Variants in TNNT2 observed in about 807,000 individuals in gnomAD.
TNNT2 encodes troponin T2, cardiac type.
Under a neutral mutation model 62.4 loss-of-function variants are expected in TNNT2, and 34 were observed. That is an observed-to-expected ratio of 0.54 (90% confidence interval 0.41 to 0.72). The LOEUF (loss-of-function observed/expected upper bound fraction) is 0.72, where lower values mean the gene tolerates loss of function less well. TNNT2 is among the 30% of genes least tolerant of loss of function. The probability of loss-of-function intolerance (pLI) is 0.00; values close to 1 mark genes in which losing one functional copy is unlikely to be tolerated. For synonymous variants in TNNT2, 123 were observed against 127.2 expected (o/e 0.97, Z 0.22); for missense variants, 275 against 381.9 (o/e 0.72, Z 2.33).
intron 8 of TNNT2, chr1:201,365,930 C>T (rs570401264): frequency 1.2e-5 from 16 of 1,322,734 alleles, no homozygotes; most frequent in Non-Finnish European, 1.5e-5. Context: ...GTTAATCTCA[C>T]TTAGGAGAAC....
chr1:201,363,626 G>A, intron 11 of TNNT2: 1 of 556,054 alleles, frequency 1.8e-6, no homozygotes, highest in Non-Finnish European at 3.2e-6. Flanking sequence ...CAAATGTGAG[G>A]TCTCGTCATC....
intron 4 of TNNT2, among the ~76,000 whole-genome samples, chr1:201,371,085 A>G (rs971165284): frequency 6.6e-6 from 1 of 152,140 alleles, no homozygotes; most frequent in Admixed American, 6.5e-5. Flanking sequence ...TTTCCCTAGG[A>G]GCCATGGGGA....
chr1:201,377,079 T>C (rs1370380862), intron 1 of TNNT2, among the ~76,000 whole-genome samples: 1 of 152,188 alleles, frequency 6.6e-6, no homozygotes, highest in Non-Finnish European at 1.5e-5. Flanking sequence ...TCTCAGTACT[T>C]CCAGGACAGT....
chr1:201,361,857 AC>A, intron 14 of TNNT2, 55 bp downstream of exon 14: 8 of 1,521,504 alleles, frequency 5.3e-6, no homozygotes, highest in Non-Finnish European at 7.3e-6. Flanking sequence ...CCTTGGCCCG[AC>A]CCCTCCCAGA....
Position 201,366,165 on chromosome 1 carries a change from C to A in TNNT2, c.234-495G>T, listed in dbSNP as rs555173921. The A allele has an allele frequency of 2.8e-6, 3 of 1,053,040 alleles. No homozygotes were observed. The East Asian group carries it at 2.3e-4, about 79-fold the overall frequency. The allele number at this position is 1,053,040 out of a possible 1,614,324, so 65.2% of individuals were successfully genotyped here. A position where few individuals can be genotyped will look rare whatever the true frequency, so the allele number is the denominator to read the frequency against. ...CCCATCTGCCCTCAGGTGTGTGGAG[C>A]TGAAATGAGATACCGCAGTGCACAA... is the stretch of plus-strand genomic sequence containing the variant. On this transcript the variant is annotated intron_variant, in intron 8 of 16. Transcript: ENST00000656932.
At chr1:201,373,326 G>C (rs1660935965) in intron 1 of TNNT2, 58 bp from the exon 2 acceptor site, 1 of 1,484,150 alleles carries the variant, frequency 6.7e-7, no homozygotes, top group Non-Finnish European at 9.4e-7. Flanking sequence ...TTCCTCAGAA[G>C]AGCTCTGGCC....
In TNNT2 at chr1:201,366,835, C is replaced by T. The variant is rs113624085; in HGVS notation, c.233+3G>A. The T allele has an allele frequency of 3.7e-6, 6 of 1,614,054 alleles. No homozygotes were observed. In the East Asian group the frequency reaches 1.1e-4, roughly 30 times the overall value. ...GGCTCTACCCAGGTGCCTCCCCACT[C>T]ACCTGGGCTTTGGTTTGGACTCCTC... On this transcript the variant is annotated splice_donor_region_variant and intron_variant, in intron 8 of 16. Transcript: ENST00000656932.
intron 11 of TNNT2, 188 bp from the exon 12 acceptor site, chr1:201,363,594 G>A (rs1344508932): frequency 1.7e-6 from 1 of 601,554 alleles, no homozygotes; most frequent in East Asian, 2.9e-5. Flanking sequence ...ATGACTGCGT[G>A]ATTGAATGAG....
At chr1:201,360,135 G>C (rs538575670) in intron 15 of TNNT2, among the ~76,000 whole-genome samples, 1 of 152,168 alleles carries the variant, frequency 6.6e-6, no homozygotes, top group Non-Finnish European at 1.5e-5. Flanking sequence ...CCTGTTGGCC[G>C]GTGCAGAGTT....
intron 4 of TNNT2, among the ~76,000 whole-genome samples, chr1:201,370,177 C>A (rs553391903): frequency 3.3e-5 from 5 of 152,324 alleles, no homozygotes; most frequent in South Asian, 2.1e-4. Context: ...ACTGCAATGC[C>A]TCTAGACGAC....
At chr1:201,366,347 T>C (rs759802392) in intron 8 of TNNT2, 7 of 951,406 alleles carry the variant, frequency 7.4e-6, no homozygotes, top group Non-Finnish European at 8.5e-6. Flanking sequence ...AAAAGGGAAA[T>C]GCTCCCTATC....
At chr1:201,362,079 ACCCT>A (rs1558221404) in intron 13 of TNNT2, 57 bp from the exon 14 acceptor site, 2 of 1,576,966 alleles carry the variant, frequency 1.3e-6, no homozygotes, top group Non-Finnish European at 1.7e-6. Context: ...CTGTCCCCTA[ACCCT>A]CCCCAAACCC....
intron 9 of TNNT2, 129 bp downstream of exon 9, chr1:201,365,481 C>T: frequency 8.0e-7 from 1 of 1,243,566 alleles, no homozygotes; most frequent in Non-Finnish European, 1.2e-6. Flanking sequence ...GATGGGCACC[C>T]AGCCTGGCTG....
chr1:201,371,898 G>A, intron 4 of TNNT2, 129 bp downstream of exon 4: 1 of 1,273,072 alleles, frequency 7.9e-7, no homozygotes, highest in Non-Finnish European at 1.1e-6. Context: ...AGAAGGCACT[G>A]TTGTTGGAGG....
chr1:201,365,482 A>G (rs2102263849), intron 9 of TNNT2, 128 bp downstream of exon 9: 1 of 1,248,376 alleles, frequency 8.0e-7, no homozygotes, highest in Non-Finnish European at 1.2e-6. Flanking sequence ...ATGGGCACCC[A>G]GCCTGGCTGG....
Position 201,359,171 on chromosome 1 carries a change from G to A in TNNT2, c.*39C>T, listed in dbSNP as rs553116893. The A allele has an allele frequency of 2.9e-5, 47 of 1,597,050 alleles. No homozygotes were observed. Among genetic ancestry groups the A allele is most frequent in the Admixed American group, 2.8e-4 (16 of 56,732 alleles). ...GGGGGAGTGCAGGCCGGAGGCAGGTGCGAGCGAGGAGCAGATCTTTGGTGA... is the reference window on the plus strand; with the variant it reads ...GGGGGAGTGCAGGCCGGAGGCAGGTACGAGCGAGGAGCAGATCTTTGGTGA... On this transcript the variant is annotated 3_prime_UTR_variant, in exon 17 of 17. Coordinates refer to ENST00000656932, the MANE Select transcript of TNNT2 (RefSeq NM_001276345.2).
At chr1:201,364,261 G>C in intron 11 of TNNT2, 37 bp downstream of exon 11, 7 of 1,596,378 alleles carry the variant, frequency 4.4e-6, no homozygotes, top group African/African-American at 1.3e-5. Context: ...CTGGGAGCAT[G>C]GGGGGCCTCC....
rs542904374 is a variant in TNNT2 at position 201,370,400 on chromosome 1, C to T, written c.68-555G>A. Among the ~76,000 whole-genome samples the T allele has an allele frequency of 1.1e-3, 171 of 152,270 alleles. 1 individual carries two copies. The highest frequency in any genetic ancestry group is 2.9e-3 in the Admixed American group (45 of 15,294). On this transcript the variant is annotated intron_variant, in intron 4 of 16. Transcript: ENST00000656932. ...AGCCTGGCCCCAGGGGAGATTTGCC[C>T]GGCCTGTTGGGAGGATGCTGCCCCA...
At chr1:201,359,490 A>C in intron 16 of TNNT2, 133 bp downstream of exon 16, 1 of 1,063,930 alleles carries the variant, frequency 9.4e-7, no homozygotes. Flanking sequence ...GAGCCAGAGA[A>C]GGAAACCTGT....
Sources: allele counts gnomAD v4.1 joint callset (sites outside exome capture counted in the v4.1 genomes callset), GRCh38; gene constraint gnomAD v4.1.1; transcripts MANE v1.5; gene names NCBI Gene and HGNC (gene_info 2026-07-23, HGNC 2026-07-21).